CSMD1: variants seen among roughly 807,000 people sequenced by gnomAD.
CSMD1 encodes the protein CUB and Sushi multiple domains 1.
Under a neutral mutation model 417.5 loss-of-function variants are expected in CSMD1, and 213 were observed. The observed-to-expected ratio is 0.51, with a 90% CI of 0.46 to 0.57. The LOEUF (loss-of-function observed/expected upper bound fraction) is 0.57. Ranked by LOEUF, CSMD1 falls within the 20% of genes least tolerant of loss-of-function variation. CSMD1 has a pLI of 0.00. For synonymous variants in CSMD1, 2,862 were observed against 1,736.8 expected (o/e 1.65, Z -16.11); for missense variants, 6,923 against 4,529.7 (o/e 1.53, Z -15.17).
At chr8:3,480,919 G>A (rs1254862835) in intron 11 of CSMD1, among the ~76,000 whole-genome samples, 1 of 152,002 alleles carries the variant, frequency 6.6e-6, no homozygotes, top group South Asian at 2.1e-4. Flanking sequence ...CACTTTGGGA[G>A]GCCGAGGTGA....
At chr8:4,675,301 A>G (rs1805603593) in intron 1 of CSMD1, among the ~76,000 whole-genome samples, 1 of 152,204 alleles carries the variant, frequency 6.6e-6, no homozygotes. Context: ...GAGCCTAAAG[A>G]GAGTTATCAA....
intron 3 of CSMD1, among the ~76,000 whole-genome samples, chr8:4,052,874 A>G (rs1010826814): frequency 2.6e-5 from 4 of 152,136 alleles, no homozygotes; most frequent in Non-Finnish European, 4.4e-5. Context: ...AATGATTCCA[A>G]TGCAGTAGTC....
intron 1 of CSMD1, among the ~76,000 whole-genome samples, chr8:4,762,977 G>C (rs1231228815): frequency 6.6e-6 from 1 of 152,090 alleles, no homozygotes; most frequent in Non-Finnish European, 1.5e-5. Flanking sequence ...TGGCGTGTGG[G>C]AGGAGACAGA....
chr8:3,195,862 A>C (rs1044838384), intron 33 of CSMD1, among the ~76,000 whole-genome samples: 3 of 152,216 alleles, frequency 2.0e-5, no homozygotes, highest in African/African-American at 7.2e-5. Context: ...ATGCAGGGAA[A>C]AAATGTAGTC....
At chr8:4,105,702 G>T (rs545975217) in intron 3 of CSMD1, among the ~76,000 whole-genome samples, 7 of 152,276 alleles carry the variant, frequency 4.6e-5, no homozygotes, top group Admixed American at 3.9e-4. Context: ...CCTAGGCTGG[G>T]GTACCCCATG....
chr8:3,536,597 G>C (rs1349953503), intron 10 of CSMD1, among the ~76,000 whole-genome samples: 3 of 152,202 alleles, frequency 2.0e-5, no homozygotes, highest in African/African-American at 7.2e-5. Flanking sequence ...TCTCCATCAT[G>C]AATAGTGTGA....
chr8:4,026,023 A>C (rs1797047561), intron 4 of CSMD1, among the ~76,000 whole-genome samples: 3 of 151,906 alleles, frequency 2.0e-5, no homozygotes, highest in Non-Finnish European at 4.4e-5. Flanking sequence ...AAAAAAAAAA[A>C]AACTCTTCAA....
intron 26 of CSMD1, among the ~76,000 whole-genome samples, chr8:3,274,484 G>T (rs1404106284): frequency 1.3e-5 from 2 of 152,144 alleles, no homozygotes; most frequent in African/African-American, 4.8e-5. Context: ...GGGTATGCTT[G>T]TTGACTTTCT....
At chr8:4,540,315 C>G (rs117352361) in intron 2 of CSMD1, among the ~76,000 whole-genome samples, 2 of 152,278 alleles carry the variant, frequency 1.3e-5, no homozygotes, top group Middle Eastern at 3.4e-3. Context: ...GAAATCACCA[C>G]TAAAAAACTT....
chr8:3,965,723 T>G (rs938447647), intron 5 of CSMD1, among the ~76,000 whole-genome samples: 7 of 152,118 alleles, frequency 4.6e-5, no homozygotes, highest in Non-Finnish European at 1.0e-4. Flanking sequence ...TTTCCGGAGA[T>G]TCTCCTGCCT....
chr8:3,807,938 T>C (rs936230512), intron 5 of CSMD1, among the ~76,000 whole-genome samples: 4 of 152,214 alleles, frequency 2.6e-5, no homozygotes, highest in African/African-American at 7.2e-5. Context: ...TTTTTGAGGC[T>C]AGGTGGCTTG....
chr8:3,784,508 C>G (rs2720747), intron 5 of CSMD1, among the ~76,000 whole-genome samples: 151,711 of 152,326 alleles, frequency 1, 75,553 homozygotes, highest in Middle Eastern at 1. Context: ...TTTGGACTTG[C>G]TAGAATCCTC....
chr8:4,728,209 A>G (rs1809599620), intron 1 of CSMD1, among the ~76,000 whole-genome samples: 1 of 148,360 alleles, frequency 6.7e-6, no homozygotes, highest in Non-Finnish European at 1.5e-5. Flanking sequence ...TTATATATAT[A>G]TTTGGTATAT....
At position 3,407,102 on chromosome 8, in the gene CSMD1, GATGGAAAGATGA is replaced by G. The variant is rs528551873; in HGVS notation, c.2071+785_2071+796del. Among the ~76,000 whole-genome samples the G allele has an allele frequency of 2.0e-5, 3 of 152,228 alleles. No individual in the cohort carries two copies. The South Asian group carries it at 6.2e-4, about 32-fold the overall frequency. ...GGAAAGAAAGATGAATGGAGGGATG[GATGGAAAGATGA>G]ATGGAAGGATGGATGGATGAATGCA... On this transcript the variant is annotated intron_variant, in intron 14 of 69. Transcript: ENST00000635120.
chr8:4,269,435 C>A (rs1461210746), intron 3 of CSMD1, among the ~76,000 whole-genome samples: 1 of 152,160 alleles, frequency 6.6e-6, no homozygotes, highest in East Asian at 1.9e-4. Flanking sequence ...TGAGAATTTT[C>A]TCTCTGAAGT....
chr8:3,255,962 G>T (rs542150329), intron 26 of CSMD1, among the ~76,000 whole-genome samples: 2 of 152,156 alleles, frequency 1.3e-5, no homozygotes, highest in Admixed American at 6.5e-5. Context: ...CATCGTTCAT[G>T]CTGGGAGCTG....
At chr8:3,228,677 G>A (rs1298429628) in intron 27 of CSMD1, among the ~76,000 whole-genome samples, 1 of 151,638 alleles carries the variant, frequency 6.6e-6, no homozygotes, top group African/African-American at 2.4e-5. Flanking sequence ...ATAATTACAT[G>A]TTCAAATTAA....
chr8:3,457,207 C>A (rs1450405965), intron 12 of CSMD1, among the ~76,000 whole-genome samples: 1 of 151,914 alleles, frequency 6.6e-6, no homozygotes, highest in Non-Finnish European at 1.5e-5. Flanking sequence ...ACCTGGACCC[C>A]CTCATCCTGC....
At chr8:3,166,713 A>C (rs1820241735) in intron 37 of CSMD1, among the ~76,000 whole-genome samples, 1 of 152,298 alleles carries the variant, frequency 6.6e-6, no homozygotes, top group South Asian at 2.1e-4. Context: ...ATAAGTATTT[A>C]TATAGACACA....
Sources: allele counts gnomAD v4.1 joint callset (sites outside exome capture counted in the v4.1 genomes callset), GRCh38; gene constraint gnomAD v4.1.1; transcripts MANE v1.5; gene names NCBI Gene and HGNC (gene_info 2026-07-23, HGNC 2026-07-21).